MARCHF1: variants seen among roughly 807,000 people sequenced by gnomAD.
The protein encoded by MARCHF1 is membrane associated ring-CH-type finger 1, also known as E3 ubiquitin-protein ligase MARCHF1.
A neutral mutation model predicts 54.2 loss-of-function variants in MARCHF1; 40 were observed. The observed-to-expected ratio is 0.74, with a 90% CI of 0.57 to 0.96. MARCHF1 has a LOEUF of 0.96. Ranked by LOEUF, MARCHF1 falls within the 40% of genes least tolerant of loss-of-function variation. The pLI is 0.00. For synonymous variants in MARCHF1, 236 were observed against 236.3 expected (o/e 1.00, Z 0.01); for missense variants, 586 against 656.5 (o/e 0.89, Z 1.17).
At chr4:163,575,685 T>C (rs1483037542) in intron 8 of MARCHF1, among the ~76,000 whole-genome samples, 1 of 151,928 alleles carries the variant, frequency 6.6e-6, no homozygotes, top group Admixed American at 6.6e-5. Context: ...TTTGGGGCTT[T>C]TTAAATTTTT....
At chr4:164,324,054 A>G (rs1204797173) in intron 1 of MARCHF1, among the ~76,000 whole-genome samples, 4 of 151,794 alleles carry the variant, frequency 2.6e-5, no homozygotes, top group Middle Eastern at 3.2e-3. Context: ...TAATTATTTC[A>G]ATGAAAACTT....
rs919362305 is a variant in MARCHF1 at position 163,764,049 on chromosome 4, C to T, written c.112-63186G>A. On this transcript the variant is annotated intron_variant, in intron 4 of 9. Coordinates refer to ENST00000514618, the MANE Select transcript of MARCHF1 (RefSeq NM_001394959.1). ...AGGCAGCTAAAATAAAAAACGTAAA[C>T]CTTCTCTTTTGCCACAAAGTCTAGA... Among the ~76,000 whole-genome samples, 5 of 151,992 alleles carry T rather than the reference C, an allele frequency of 3.3e-5. No individual in the cohort carries two copies. In the East Asian group the frequency reaches 9.6e-4, roughly 29 times the overall value.
chr4:163,695,349 T>C (rs1176030460), intron 5 of MARCHF1, among the ~76,000 whole-genome samples: 1 of 152,182 alleles, frequency 6.6e-6, no homozygotes, highest in Admixed American at 6.6e-5. Context: ...CTGTGAACCA[T>C]AGAATACCTT....
At chr4:163,851,267 C>G (rs1462227271) in intron 4 of MARCHF1, among the ~76,000 whole-genome samples, 1 of 152,094 alleles carries the variant, frequency 6.6e-6, no homozygotes, top group Non-Finnish European at 1.5e-5. Flanking sequence ...AGGAAGATAT[C>G]CCAGAGAGGT....
chr4:163,577,567 T>C (rs1212488880), intron 8 of MARCHF1, among the ~76,000 whole-genome samples: 1 of 152,030 alleles, frequency 6.6e-6, no homozygotes, highest in Non-Finnish European at 1.5e-5. Context: ...CTCAGTGATA[T>C]TCATTTTGAT....
intron 9 of MARCHF1, among the ~76,000 whole-genome samples, chr4:163,537,301 T>A (rs1738568395): frequency 1.3e-5 from 2 of 152,174 alleles, no homozygotes; most frequent in African/African-American, 4.8e-5. Context: ...CTAGTCAGTT[T>A]CTATGCTATT....
At chr4:163,647,931 G>GA (rs913419292) in intron 5 of MARCHF1, among the ~76,000 whole-genome samples, 10 of 150,896 alleles carry the variant, frequency 6.6e-5, no homozygotes, top group African/African-American at 1.7e-4. Context: ...ATAATTGTTG[G>GA]AAAAAAATAG....
chr4:163,618,345 T>G (rs1741579233), intron 5 of MARCHF1, among the ~76,000 whole-genome samples: 1 of 152,092 alleles, frequency 6.6e-6, no homozygotes, highest in Admixed American at 6.6e-5. Flanking sequence ...GGAAGTGTGA[T>G]AAGTTAATAC....
At chr4:163,632,351 G>C (rs1290919782) in intron 5 of MARCHF1, among the ~76,000 whole-genome samples, 3 of 152,206 alleles carry the variant, frequency 2.0e-5, no homozygotes, top group Non-Finnish European at 2.9e-5. Flanking sequence ...CATCTCACTA[G>C]GTAGTGCCAG....
intron 1 of MARCHF1, among the ~76,000 whole-genome samples, chr4:164,346,651 T>C (rs1348490501): frequency 8.2e-5 from 3 of 36,678 alleles, no homozygotes; most frequent in Admixed American, 4.8e-4. Flanking sequence ...TATATATATA[T>C]ATATATATAT....
chr4:163,535,205 TGAG>T (rs963568147), intron 9 of MARCHF1, among the ~76,000 whole-genome samples: 9 of 151,978 alleles, frequency 5.9e-5, no homozygotes, highest in African/African-American at 1.4e-4. Flanking sequence ...GAAAAAAAAT[TGAG>T]GGGGGTATAT....
In MARCHF1 at chr4:164,118,084, C is replaced by T. The variant is rs1182841953; in HGVS notation, c.-322-6422G>A. Among the ~76,000 whole-genome samples, 3 of 151,112 alleles carry T rather than the reference C, an allele frequency of 2.0e-5. No homozygotes were observed. In the East Asian group the frequency reaches 5.8e-4, roughly 29 times the overall value. ...AAAGAGATAAAAAGGAACAAACAAC[C>T]CAAAATGCATATAATTGAAGTCACT... On this transcript the variant is annotated intron_variant, in intron 1 of 9. Transcript: ENST00000514618.
intron 1 of MARCHF1, among the ~76,000 whole-genome samples, chr4:164,238,867 A>T (rs978479695): frequency 7.9e-5 from 12 of 151,938 alleles, no homozygotes; most frequent in African/African-American, 1.9e-4. Context: ...AAAATGTCTT[A>T]TGTATTTCTA....
chr4:163,687,984 T>C (rs547654579), intron 5 of MARCHF1, among the ~76,000 whole-genome samples: 6 of 152,304 alleles, frequency 3.9e-5, no homozygotes, highest in East Asian at 3.9e-4. Context: ...GACAGCCCAA[T>C]TGGGTAGTTA....
intron 8 of MARCHF1, among the ~76,000 whole-genome samples, chr4:163,551,085 G>A (rs1388431913): frequency 6.6e-6 from 1 of 152,164 alleles, no homozygotes; most frequent in African/African-American, 2.4e-5. Flanking sequence ...GAACTAATTA[G>A]TAGTCCAGGA....
intron 1 of MARCHF1, among the ~76,000 whole-genome samples, chr4:164,315,374 C>G (rs1042746585): frequency 6.6e-6 from 1 of 152,112 alleles, no homozygotes; most frequent in African/African-American, 2.4e-5. Flanking sequence ...CACGGCAGAT[C>G]GATGAGAACT....
chr4:164,141,018 T>G (rs952857770), intron 1 of MARCHF1, among the ~76,000 whole-genome samples: 7 of 152,232 alleles, frequency 4.6e-5, no homozygotes, highest in African/African-American at 1.7e-4. Flanking sequence ...AATAGCACCC[T>G]ATTTTCCTAT....
intron 8 of MARCHF1, among the ~76,000 whole-genome samples, chr4:163,578,532 G>A (rs932376458): frequency 2.6e-5 from 4 of 152,058 alleles, no homozygotes; most frequent in African/African-American, 4.8e-5. Flanking sequence ...GTAGTGTCCT[G>A]GATATTTAAC....
At chr4:164,197,742 G>A (rs1261579851) in intron 1 of MARCHF1, 4 of 1,610,660 alleles carry the variant, frequency 2.5e-6, no homozygotes, top group East Asian at 2.2e-5. Flanking sequence ...AGAGGCTCTC[G>A]TGCCAGCCGA....
Sources: allele counts gnomAD v4.1 joint callset (sites outside exome capture counted in the v4.1 genomes callset), GRCh38; gene constraint gnomAD v4.1.1; transcripts MANE v1.5; gene names NCBI Gene and HGNC (gene_info 2026-07-23, HGNC 2026-07-21).